Variants in PCDHA7 observed in about 807,000 individuals in gnomAD.
PCDHA7 encodes protocadherin alpha 7, also known as protocadherin alpha-7.
A neutral mutation model predicts 57.2 loss-of-function variants in PCDHA7; 37 were observed. The ratio of observed to expected loss-of-function variants is 0.65; its 90% CI spans 0.50 to 0.85. The LOEUF is 0.85. Among genes scored for constraint, PCDHA7 ranks in the 40% least tolerant of loss-of-function variants. The pLI is 0.00. For synonymous variants in PCDHA7, 553 were observed against 558.8 expected, an observed-to-expected ratio of 0.99 and a Z score of 0.15; for missense variants, 1,188 against 1,241.8, an observed-to-expected ratio of 0.96 and a Z score of 0.65.
chr5:140,878,938 A>G (rs1413471911), intron 1 of PCDHA7, among the ~76,000 whole-genome samples: 1 of 152,226 alleles, frequency 6.6e-6, no homozygotes, highest in African/African-American at 2.4e-5. Flanking sequence ...TTTTAAATAA[A>G]TATATGGTAT....
At chr5:140,870,622 G>C (rs377101052) in intron 1 of PCDHA7, 4 of 1,613,124 alleles carry the variant, frequency 2.5e-6, no homozygotes, top group Non-Finnish European at 3.4e-6. Flanking sequence ...GTCGAGCTAC[G>C]TGTCGGTGCA....
intron 1 of PCDHA7, chr5:140,852,818 G>A: frequency 1.0e-6 from 1 of 971,786 alleles, no homozygotes; most frequent in Non-Finnish European, 1.2e-6. Flanking sequence ...CCCGCCCTAA[G>A]TCCTCCAGTC....
rs374310903 is a variant in PCDHA7 at position 140,968,575 on chromosome 5, G to A, written c.2356-10374G>A. 16 of 1,614,016 alleles carry A rather than the reference G, an allele frequency of 9.9e-6. No homozygotes were observed. In the African/African-American group the frequency reaches 2.1e-4, roughly 22 times the overall value. ...CTCGAACTGCCCCTGCTGGCTACCT[G>A]GTCACCAAAGTCATAGCTATGGACT... On this transcript the variant is annotated intron_variant, in intron 1 of 3. Transcript: ENST00000525929.
rs2150237787 is a variant in PCDHA7, at chr5:140,835,540, C to T, written c.1157C>T (p.Thr386Ile). The change falls in exon 1 of 4, where the codon ACC becomes ATC. Residue 386 changes from threonine (T) to isoleucine (I), a missense_variant. This residue lies in a region of PCDHA7 where 892 missense variants were observed against 788.5 expected (regional missense o/e 1.13). Transcript: ENST00000525929. Reference protein sequence around the residue: ...DRDFGVNGQVTCSLTPRVPFK... With the variant: ...DRDFGVNGQVICSLTPRVPFK... ...GATTTTGGAGTCAACGGACAGGTTA[C>T]CTGCTCCCTGACGCCCCGCGTTCCC... 6.2e-7 allele frequency: 1 copy of T among 1,613,980 alleles called. No homozygotes were observed.
intron 3 of PCDHA7, among the ~76,000 whole-genome samples, chr5:141,002,289 G>A (rs1468757497): frequency 1.3e-5 from 2 of 152,204 alleles, no homozygotes; most frequent in East Asian, 3.8e-4. Flanking sequence ...GGATGAATGG[G>A]GAGCAAAGGG....
chr5:141,006,029 G>A (rs539375544), intron 3 of PCDHA7, among the ~76,000 whole-genome samples: 12 of 151,322 alleles, frequency 7.9e-5, no homozygotes, highest in Non-Finnish European at 1.2e-4. Context: ...ATAATAGTAA[G>A]AGGGAGATTT....
At chr5:140,871,004 G>T in intron 1 of PCDHA7, 1 of 1,613,410 alleles carries the variant, frequency 6.2e-7, no homozygotes, top group Non-Finnish European at 8.5e-7. Context: ...AGCACAACGC[G>T]TGCCCTGGAC....
intron 1 of PCDHA7, among the ~76,000 whole-genome samples, chr5:140,904,512 C>A (rs1251570223): frequency 2.0e-5 from 3 of 151,738 alleles, no homozygotes; most frequent in African/African-American, 7.3e-5. Flanking sequence ...GTGAATTGTG[C>A]TGCTATAAAC....
At chr5:140,874,397 T>A (rs1447759550) in intron 1 of PCDHA7, among the ~76,000 whole-genome samples, 3 of 152,230 alleles carry the variant, frequency 2.0e-5, no homozygotes, top group African/African-American at 7.2e-5. Flanking sequence ...CCCCCTTGCA[T>A]AACAGTCACC....
intron 1 of PCDHA7, among the ~76,000 whole-genome samples, chr5:140,972,738 A>G (rs918730708): frequency 1.4e-5 from 2 of 142,600 alleles, no homozygotes; most frequent in Non-Finnish European, 3.0e-5. Context: ...ATCCCGGCTC[A>G]CTGCAACCTC....
rs1335716065 is a variant in PCDHA7 at position 140,875,555 on chromosome 5, G to A, written c.2355+38817G>A. On this transcript the variant is annotated intron_variant, in intron 1 of 3. Coordinates refer to ENST00000525929, the MANE Select transcript of PCDHA7 (RefSeq NM_018910.3). ...CTCCTTGCAGCCTGGGAGGTGGGGA[G>A]CGGCCAGCTCCACTACTCCGTCTAC... is the stretch of plus-strand genomic sequence containing the variant. 5 of 1,614,018 alleles carry A rather than the reference G, an allele frequency of 3.1e-6. No individual in the cohort carries two copies. In the East Asian group the frequency reaches 6.7e-5, roughly 22 times the overall value.
At chr5:140,895,875 G>A (rs1277056649) in intron 1 of PCDHA7, among the ~76,000 whole-genome samples, 5 of 152,060 alleles carry the variant, frequency 3.3e-5, no homozygotes, top group African/African-American at 7.2e-5. Context: ...GCAATGGCGC[G>A]ATCTCGGCTC....
chr5:140,854,428 A>G (rs1402946580), intron 1 of PCDHA7: 1 of 151,142 alleles, frequency 6.6e-6, no homozygotes, highest in Non-Finnish European at 1.5e-5. Context: ...TAAAATCAGA[A>G]TTTGAATGAA....
At chr5:140,969,468 AT>A (rs1264391543) in intron 1 of PCDHA7, 1 of 1,486,422 alleles carries the variant, frequency 6.7e-7, no homozygotes, top group Non-Finnish European at 9.0e-7. Context: ...AGTATCCACA[AT>A]TTGATCATAA....
At chr5:140,842,098 A>G (rs2150329282) in intron 1 of PCDHA7, 1 of 1,613,922 alleles carries the variant, frequency 6.2e-7, no homozygotes. Flanking sequence ...ACAACGGAAC[A>G]ACAGTTATCA....
intron 1 of PCDHA7, among the ~76,000 whole-genome samples, chr5:140,892,929 C>T (rs1259333006): frequency 2.6e-5 from 4 of 152,174 alleles, no homozygotes; most frequent in Non-Finnish European, 5.9e-5. Flanking sequence ...TTCCCAGCCT[C>T]TGATAAGCAC....
At chr5:140,944,124 G>T (rs922088265) in intron 1 of PCDHA7, among the ~76,000 whole-genome samples, 10 of 152,200 alleles carry the variant, frequency 6.6e-5, no homozygotes, top group Admixed American at 6.5e-4. Context: ...TACCAGAGAA[G>T]AAAAGGTTGA....
In PCDHA7 at chr5:140,834,452, T is replaced by C. The variant is rs2150218542; in HGVS notation, c.69T>C (p.Ala23=). Residue 23 remains alanine (A), a synonymous_variant, in exon 1 of 4, where the codon GCT becomes GCC. Coordinates refer to ENST00000525929, the MANE Select transcript of PCDHA7 (RefSeq NM_018910.3). The part of the protein sequence containing the change: ...HLLLFIIILA[A]WEAGRGQLHY... ...TGCTGTTTATTATAATTCTAGCAGC[T>C]TGGGAGGCAGGGAGAGGCCAGCTCC... 1.4e-4 allele frequency: 225 copies of C among 1,593,388 alleles called. 2 individuals are homozygous for C. The South Asian group carries it at 2.5e-3, about 18-fold the overall frequency.
At chr5:140,913,282 AG>A (rs1231451737) in intron 1 of PCDHA7, among the ~76,000 whole-genome samples, 20 of 152,154 alleles carry the variant, frequency 1.3e-4, no homozygotes, top group African/African-American at 4.6e-4. Flanking sequence ...TGGTCTGTTT[AG>A]GTTTTAATTT....
Sources: gnomAD v4.1 joint callset for allele counts (sites outside exome capture counted in the v4.1 genomes callset) on GRCh38, gnomAD v4.1.1 for gene constraint, gnomAD v4.1.1 regional missense constraint, MANE v1.5 for transcripts, NCBI Gene and HGNC (gene_info 2026-07-23, HGNC 2026-07-21) for gene names.